CACNA2D4: variants seen among roughly 807,000 people sequenced by gnomAD.
CACNA2D4 encodes the protein calcium voltage-gated channel auxiliary subunit alpha2delta 4, also known as voltage-dependent calcium channel subunit alpha-2/delta-4.
A neutral mutation model predicts 163.8 loss-of-function variants in CACNA2D4; 157 were observed. The ratio of observed to expected loss-of-function variants is 0.96; its 90% CI spans 0.84 to 1.09. The LOEUF (loss-of-function observed/expected upper bound fraction) is 1.09, where lower values mean the gene tolerates loss of function less well. CACNA2D4 is among the 50% of genes least tolerant of loss of function. The pLI is 0.00. For synonymous variants in CACNA2D4, 598 were observed against 586.9 expected (o/e 1.02, Z -0.27); for missense variants, 1,410 against 1,479.9 (o/e 0.95, Z 0.78).
In CACNA2D4 at chr12:1,858,611, T is replaced by C. The variant is rs2154448476; in HGVS notation, c.1974A>G (p.Glu658=). ...LGVVLSRGHG[E]YILLGNTSVE... is the part of the protein sequence containing the mutation. The stretch of plus-strand genomic sequence containing the variant: ...CAGACGTGTTCCCCAGAAGGATGTA[T>C]TCTCCGTGGCCCCGGGACAGCACCA... Residue 658 remains glutamate, a synonymous_variant, in exon 20 of 38, where the codon GAA becomes GAG. Coordinates refer to ENST00000382722, the MANE Select transcript of CACNA2D4 (RefSeq NM_172364.5). The C allele has an allele frequency of 1.2e-6, 2 of 1,612,664 alleles. No individual in the cohort carries two copies. The highest frequency in any genetic ancestry group is 1.7e-6 in the Non-Finnish European group (2 of 1,179,214).
At chr12:1,872,856 T>C (rs1334599570) in intron 18 of CACNA2D4, among the ~76,000 whole-genome samples, 1 of 151,942 alleles carries the variant, frequency 6.6e-6, no homozygotes, top group Non-Finnish European at 1.5e-5. Flanking sequence ...AGGCGATGAG[T>C]GTTCAAGGTG....
At position 1,810,595 on chromosome 12, in the gene CACNA2D4, G is replaced by GTA. The variant is rs1233469724; in HGVS notation, c.2614-9_2614-8insTA. The stretch of plus-strand genomic sequence containing the variant: ...CCCATCCACAGTGCTGCACTGGAAG[G>GTA]AAGAGGAGAGACTGAATGTGGACAC... On this transcript the variant is annotated splice_polypyrimidine_tract_variant and intron_variant, in intron 27 of 37. Coordinates refer to ENST00000382722, the MANE Select transcript of CACNA2D4 (RefSeq NM_172364.5). The GTA allele has an allele frequency of 3.2e-6, 5 of 1,552,940 alleles. No homozygotes were observed. In the African/African-American group the frequency reaches 4.1e-5, roughly 13 times the overall value.
Position 1,884,982 on chromosome 12 carries a change from G to A in CACNA2D4, c.1158+5C>T, listed in dbSNP as rs756139870. 7 of 1,613,202 alleles carry A rather than the reference G, an allele frequency of 4.3e-6. No individual in the cohort carries two copies. The highest frequency in any genetic ancestry group is 5.9e-6 in the Non-Finnish European group (7 of 1,179,216). On this transcript the variant is annotated splice_donor_5th_base_variant and intron_variant, in intron 10 of 37. Coordinates refer to ENST00000382722, the MANE Select transcript of CACNA2D4 (RefSeq NM_172364.5). Reference sequence around the variant, plus strand: ...TCCCCTCCCAGGCCTCATTACAGTGGGCACCTGCTTCAGGATCTGGAAGGC... The same window carrying A: ...TCCCCTCCCAGGCCTCATTACAGTGAGCACCTGCTTCAGGATCTGGAAGGC...
chr12:1,893,575 T>A (rs1866337193), intron 6 of CACNA2D4, among the ~76,000 whole-genome samples: 1 of 152,026 alleles, frequency 6.6e-6, no homozygotes, highest in East Asian at 1.9e-4. Flanking sequence ...CGGACTACAA[T>A]AGAATAAAAC....
chr12:1,894,761 C>T (rs1032006998), intron 6 of CACNA2D4, among the ~76,000 whole-genome samples: 1 of 152,116 alleles, frequency 6.6e-6, no homozygotes. Flanking sequence ...TCATATATAA[C>T]AAACCCACAG....
intron 26 of CACNA2D4, among the ~76,000 whole-genome samples, chr12:1,832,795 T>C (rs925897854): frequency 6.6e-6 from 1 of 152,204 alleles, no homozygotes; most frequent in African/African-American, 2.4e-5. Context: ...CTAATTGAGA[T>C]AGACCTTCTT....
At chr12:1,815,650 G>A (rs1592666606) in intron 26 of CACNA2D4, among the ~76,000 whole-genome samples, 2 of 144,238 alleles carry the variant, frequency 1.4e-5, no homozygotes, top group South Asian at 2.1e-4. Context: ...AGCTACGTAA[G>A]CAAATTCAAT....
In CACNA2D4 at chr12:1,844,362, G is replaced by C; in HGVS notation, c.2470+40C>G. On this transcript the variant is annotated intron_variant, in intron 25 of 37. Coordinates refer to ENST00000382722, the MANE Select transcript of CACNA2D4 (RefSeq NM_172364.5). The surrounding 1 kb of genome is among the most constrained non-coding windows in gnomAD (Gnocchi z 4.2). ...GCAGGAGGAGAGATGAGACTGGCCT[G>C]AGACTGGCCCAGCCCCGGGAGCACC... is the stretch of plus-strand genomic sequence containing the variant. 6.2e-7 allele frequency: 1 copy of C among 1,607,334 alleles called. No homozygotes were observed. Among genetic ancestry groups the C allele is most frequent in the Non-Finnish European group, 8.5e-7 (1 of 1,176,276 alleles).
At chr12:1,882,552 T>C (rs1257540033) in intron 13 of CACNA2D4, among the ~76,000 whole-genome samples, 1 of 151,430 alleles carries the variant, frequency 6.6e-6, no homozygotes, top group Non-Finnish European at 1.5e-5. Context: ...GAGGGAGGGA[T>C]GATGAGGGAG....
chr12:1,797,597 T>G, intron 34 of CACNA2D4, 62 bp from the exon 35 acceptor site: 1 of 1,260,278 alleles, frequency 7.9e-7, no homozygotes, highest in Non-Finnish European at 1.1e-6. Flanking sequence ...TGACCTCGCC[T>G]CGGCACTCCC....
rs943579414 is a variant in CACNA2D4 at position 1,834,628 on chromosome 12, C to T, written c.2551+6111G>A. 3 of 1,600,302 alleles carry T rather than the reference C, an allele frequency of 1.9e-6. No individual in the cohort carries two copies. The highest frequency in any genetic ancestry group is 2.5e-6 in the Non-Finnish European group (3 of 1,179,912). ...GCTGCATCTACGCCTCCCTCATGGC[C>T]AAGTACCACCGGGAGCTCAAAAAGC... On this transcript the variant is annotated intron_variant, in intron 26 of 37. Coordinates refer to ENST00000382722, the MANE Select transcript of CACNA2D4 (RefSeq NM_172364.5). The surrounding 1 kb of genome is among the most constrained non-coding windows in gnomAD (Gnocchi z 7.6).
intron 18 of CACNA2D4, among the ~76,000 whole-genome samples, chr12:1,872,190 G>A (rs540665024): frequency 6.6e-6 from 1 of 152,264 alleles, no homozygotes; most frequent in East Asian, 1.9e-4. Context: ...TCAAACATGG[G>A]TCTTAGCCGT....
intron 6 of CACNA2D4, among the ~76,000 whole-genome samples, chr12:1,900,603 C>T (rs995148765): frequency 2.6e-5 from 4 of 152,082 alleles, no homozygotes; most frequent in African/African-American, 9.7e-5. Context: ...AATTCCATTC[C>T]TTGAATGTCA....
At position 1,826,411 on chromosome 12, in the gene CACNA2D4, C is replaced by CCGT. The variant is rs36095794; in HGVS notation, c.2551+14327_2551+14328insACG. On this transcript the variant is annotated intron_variant, in intron 26 of 37. Coordinates refer to ENST00000382722, the MANE Select transcript of CACNA2D4 (RefSeq NM_172364.5). ...GATTTGAACCCAGAGCCCCCCCCCCCCCCCCGCCAACTGGCACCAGGAGCC... is the reference window on the plus strand; with the variant it reads ...GATTTGAACCCAGAGCCCCCCCCCCCCGTCCCCCGCCAACTGGCACCAGGAGCC... Among the ~76,000 whole-genome samples the CCGT allele has an allele frequency of 3.1e-4, 32 of 102,684 alleles. 1 individual carries two copies. Among genetic ancestry groups the CCGT allele is most frequent in the African/African-American group, 1.2e-3 (28 of 22,814 alleles). The allele number at this position is 102,684 out of a possible 152,430, so 67.4% of individuals were successfully genotyped here.
chr12:1,887,066 A>G lies in CACNA2D4; in HGVS notation c.785T>C (p.Ile262Thr). The change falls in exon 7 of 38, where the codon ATA becomes ACA. Residue 262 changes from isoleucine (I) to threonine (T), a missense_variant. Coordinates refer to ENST00000382722, the MANE Select transcript of CACNA2D4 (RefSeq NM_172364.5). ...ATGFFRIYPG[I>T]KWTPDENGVI... ...TCCATTCTCATCAGGTGTCCATTTT[A>G]TACCTGGGAGAATAAAGACTCGTTC... 1 of 1,583,702 alleles carries G rather than the reference A, an allele frequency of 6.3e-7. No homozygotes were observed. Among genetic ancestry groups the G allele is most frequent in the Non-Finnish European group, 8.6e-7 (1 of 1,161,812 alleles).
rs190066097 is a variant in CACNA2D4 at position 1,874,105 on chromosome 12, C to T, written c.1878+499G>A. Reference sequence around the variant, plus strand: ...AGAAGATGAAATGATCTTTTATAAACGATGCACATGGTTGTAAAGATAGTA... The same window carrying T: ...AGAAGATGAAATGATCTTTTATAAATGATGCACATGGTTGTAAAGATAGTA... On this transcript the variant is annotated intron_variant, in intron 18 of 37. Coordinates refer to ENST00000382722, the MANE Select transcript of CACNA2D4 (RefSeq NM_172364.5). This position sits in a 1 kb window ranked among gnomAD's most constrained non-coding sequence, Gnocchi z 4.4. 1.4e-4 allele frequency among the ~76,000 whole-genome samples: 21 copies of T among 152,240 alleles called. No individual in the cohort carries two copies. The East Asian group carries it at 3.1e-3, about 22-fold the overall frequency.
Position 1,793,497 on chromosome 12 carries a change from A to C in CACNA2D4, c.*158T>G. On this transcript the variant is annotated 3_prime_UTR_variant, in exon 38 of 38. Coordinates refer to ENST00000382722, the MANE Select transcript of CACNA2D4 (RefSeq NM_172364.5). ...AGGTGATTGGTTTCCTGTTCCATCC[A>C]GCATTCTCCGGAGCCAGGGGCCACC... 1 of 682,940 alleles carries C rather than the reference A, an allele frequency of 1.5e-6. No homozygotes were observed. Among genetic ancestry groups the C allele is most frequent in the Admixed American group, 2.1e-5 (1 of 46,916 alleles). The allele number at this position is 682,940 out of a possible 1,614,324, so 42.3% of individuals were successfully genotyped here.
chr12:1,800,326 A>G, intron 32 of CACNA2D4, 60 bp downstream of exon 32: 4 of 1,561,334 alleles, frequency 2.6e-6, no homozygotes, highest in Non-Finnish European at 3.5e-6. Context: ...GCTCAAGGAC[A>G]CCCTCCTAAG....
chr12:1,901,360 G>A (rs1171891460), intron 6 of CACNA2D4, among the ~76,000 whole-genome samples: 1 of 151,780 alleles, frequency 6.6e-6, no homozygotes, highest in Non-Finnish European at 1.5e-5. Flanking sequence ...ACAGAAATAA[G>A]TGAAATTGAA....
Sources: gnomAD v4.1 joint callset for allele counts (sites outside exome capture counted in the v4.1 genomes callset) on GRCh38, gnomAD v4.1.1 for gene constraint, Gnocchi (gnomAD v3.1) non-coding constraint, MANE v1.5 for transcripts, NCBI Gene and HGNC (gene_info 2026-07-23, HGNC 2026-07-21) for gene names.